SVOP: variants seen among roughly 807,000 people sequenced by gnomAD.
SVOP encodes synaptic vesicle 2-related protein.
A neutral mutation model predicts 69.1 loss-of-function variants in SVOP; 17 were observed. The observed-to-expected ratio is 0.25, with a 90% confidence interval of 0.17 to 0.37. The LOEUF is 0.37. Ranked by LOEUF, SVOP falls within the 10% of genes least tolerant of loss-of-function variation. The pLI, the probability that SVOP is intolerant of heterozygous loss-of-function variation, is 1.00. For missense variants in SVOP, 435 were observed against 597.5 expected (o/e 0.73, Z 2.84); for synonymous variants, 238 against 238.6 (o/e 1.00, Z 0.02).
chr12:109,011,575 A>G (rs2040341752), intron 1 of SVOP, among the ~76,000 whole-genome samples: 1 of 152,190 alleles, frequency 6.6e-6, no homozygotes, highest in South Asian at 2.1e-4. Context: ...CTTCTCCCCT[A>G]GAACTCAAAC....
At position 108,943,785 on chromosome 12, in the gene SVOP, CCTT is replaced by C. The variant is rs1029749880; in HGVS notation, c.642+1315_642+1317del. On this transcript the variant is annotated intron_variant, in intron 7 of 15. Coordinates refer to ENST00000610966, the MANE Select transcript of SVOP (RefSeq NM_018711.5). ...TAGATACATTTCCTTTTCTTCTTCT[CCTT>C]CTTCTTCTTCTTCTCTTTCTCCTCC... Among the ~76,000 whole-genome samples the C allele has an allele frequency of 1.3e-3, 194 of 151,656 alleles. 2 individuals are homozygous for C. The Middle Eastern group carries it at 0.014, about 11-fold the overall frequency.
intron 1 of SVOP, among the ~76,000 whole-genome samples, chr12:109,004,076 G>C (rs1369805264): frequency 6.6e-6 from 1 of 152,118 alleles, no homozygotes; most frequent in Admixed American, 6.6e-5. Flanking sequence ...AATCAGTCGG[G>C]TTCCTAAAAG....
rs1369277822 is a variant in SVOP, at chr12:108,999,764, C to T, written c.36-16003G>A. ...AAATAAAGATGTTCTTTGAAACCAA[C>T]GAGAACAAAGACACAACATACCAGA... On this transcript the variant is annotated intron_variant, in intron 1 of 15. Coordinates refer to ENST00000610966, the MANE Select transcript of SVOP (RefSeq NM_018711.5). Among the ~76,000 whole-genome samples, 196 of 140,322 alleles carry T rather than the reference C, an allele frequency of 1.4e-3. 1 individual carries two copies. Among genetic ancestry groups the T allele is most frequent in the Non-Finnish European group, 2.1e-3 (131 of 63,540 alleles). The allele number at this position is 140,322 out of a possible 152,430, so 92.1% of individuals were successfully genotyped here. A position where few individuals can be genotyped will look rare whatever the true frequency, so the allele number is the denominator to read the frequency against.
intron 15 of SVOP, among the ~76,000 whole-genome samples, chr12:108,914,959 G>A (rs112819570): frequency 0.37 from 55,188 of 150,778 alleles, 10,751 homozygotes; most frequent in South Asian, 0.57. Context: ...CAGATCACAA[G>A]GTCAAGAGAT....
At chr12:108,971,396 T>A (rs1206940188) in intron 5 of SVOP, among the ~76,000 whole-genome samples, 2 of 147,310 alleles carry the variant, frequency 1.4e-5, no homozygotes, top group African/African-American at 2.6e-5. Flanking sequence ...GCGATTGCAC[T>A]CCAGCCTGGG....
At chr12:108,979,563 A>C (rs929113476) in intron 2 of SVOP, among the ~76,000 whole-genome samples, 23 of 152,286 alleles carry the variant, frequency 1.5e-4, no homozygotes, top group African/African-American at 4.8e-4. Flanking sequence ...TGAAAGGTAC[A>C]ATTCCATCTG....
chr12:108,971,022 A>C (rs916566368), intron 5 of SVOP, among the ~76,000 whole-genome samples: 1 of 151,958 alleles, frequency 6.6e-6, no homozygotes, highest in Non-Finnish European at 1.5e-5. Context: ...TGTCTCAAAA[A>C]AACAAAAGAA....
intron 2 of SVOP, among the ~76,000 whole-genome samples, chr12:108,979,704 G>C (rs1404698911): frequency 6.6e-6 from 1 of 152,146 alleles, no homozygotes; most frequent in African/African-American, 2.4e-5. Flanking sequence ...GGGGAAGTAA[G>C]ACTGAGTGGA....
chr12:109,020,770 C>CCCCCCCCTT, intron 1 of SVOP, 64 bp downstream of exon 1: 1 of 474,588 alleles, frequency 2.1e-6, no homozygotes, highest in Non-Finnish European at 4.2e-6. Flanking sequence ...CCCCACCCCC[C>CCCCCCCCTT]TTGCAGGTTT....
At chr12:108,927,184 G>A (rs112500847) in intron 11 of SVOP, among the ~76,000 whole-genome samples, 242 of 152,234 alleles carry the variant, frequency 1.6e-3, no homozygotes, top group African/African-American at 5.4e-3. Context: ...GGAAAATGCC[G>A]ATACTCTGGC....
intron 1 of SVOP, among the ~76,000 whole-genome samples, chr12:109,008,488 A>T (rs1026300257): frequency 6.6e-6 from 1 of 152,046 alleles, no homozygotes; most frequent in Admixed American, 6.6e-5. Context: ...GATTTTATTT[A>T]TTTGCATTTT....
intron 1 of SVOP, among the ~76,000 whole-genome samples, chr12:109,015,707 C>T (rs2040364343): frequency 1.3e-5 from 2 of 152,042 alleles, no homozygotes; most frequent in South Asian, 2.1e-4. Flanking sequence ...CTATGATAAT[C>T]GCTTGAACCT....
In SVOP at chr12:108,978,435, C is replaced by T. The variant is rs141516334; in HGVS notation, c.282+143G>A. On this transcript the variant is annotated intron_variant, in intron 3 of 15. Coordinates refer to ENST00000610966, the MANE Select transcript of SVOP (RefSeq NM_018711.5). The stretch of plus-strand genomic sequence containing the variant: ...CAGATCTCGTTATCACCACTTATTA[C>T]GCCACATAAATTTTGTTGATTGAAA... 1.5e-3 allele frequency: 877 copies of T among 583,574 alleles called. 9 individuals are homozygous for T. The highest frequency in any genetic ancestry group is 0.014 in the African/African-American group (733 of 53,014). 36.1% of individuals were successfully genotyped at this position (583,574 alleles called of 1,614,324 possible).
At chr12:108,990,250 A>T (rs36181116) in intron 1 of SVOP, among the ~76,000 whole-genome samples, 135,076 of 151,980 alleles carry the variant, frequency 0.89, 61,148 homozygotes, top group Non-Finnish European at 0.99. Flanking sequence ...GCACAGCTCC[A>T]TCCATGTCCC....
chr12:108,943,890 C>CT (rs1296101947), intron 7 of SVOP, among the ~76,000 whole-genome samples: 58 of 141,246 alleles, frequency 4.1e-4, no homozygotes, highest in East Asian at 1.9e-3. Context: ...CTTCTTCTTT[C>CT]TTTTTTTTTG....
chr12:108,983,504 C>T (rs2040153026), intron 2 of SVOP, 97 bp downstream of exon 2: 2 of 398,364 alleles, frequency 5.0e-6, no homozygotes, highest in Non-Finnish European at 8.8e-6. Context: ...CTGGGCCCTC[C>T]CAACTGCCCC....
Position 108,940,835 on chromosome 12 carries a change from C to G in SVOP, c.717G>C (p.Trp239Cys). The G allele has an allele frequency of 1.3e-6, 2 of 1,537,206 alleles. No individual in the cohort carries two copies. Among genetic ancestry groups the G allele is most frequent in the Non-Finnish European group, 1.7e-6 (2 of 1,146,902 alleles). ...GCGGGACAGCTGAGAGGATGAGCAGCCAACGCCAGCCCAGGCTGGGCATCA... is the reference window on the plus strand; with the variant it reads ...GCGGGACAGCTGAGAGGATGAGCAGGCAACGCCAGCCCAGGCTGGGCATCA... ...VFVMPSLGWR[W>C]LLILSAVPLL... Residue 239 changes from tryptophan to cysteine, a missense_variant, in exon 8 of 16, where the codon TGG becomes TGC. Transcript: ENST00000610966.
In SVOP at chr12:108,932,015, A is replaced by T. The variant is rs943473218; in HGVS notation, c.1048+2180T>A. ...TTTGCGATGATAATTTTATTTTTTT[A>T]TTTTTATTTTTTTTACACACACAGA... On this transcript the variant is annotated intron_variant, in intron 11 of 15. Transcript: ENST00000610966. 3.3e-5 allele frequency among the ~76,000 whole-genome samples: 5 copies of T among 151,744 alleles called. No individual in the cohort carries two copies. The East Asian group carries it at 9.7e-4, about 29-fold the overall frequency.
rs1487904243 is a variant in SVOP at position 108,907,899 on chromosome 12, CAT to C, written c.*4634_*4635del. On this transcript the variant is annotated 3_prime_UTR_variant, in exon 16 of 16. Transcript: ENST00000610966. ...ATGAATAGACTTGAGAGTTTATGCA[CAT>C]GTCACTGCAGATTCCAGGCATACCA... is the stretch of plus-strand genomic sequence containing the variant. 1 of 152,262 alleles carries C rather than the reference CAT, an allele frequency of 6.6e-6. No individual in the cohort carries two copies. The highest frequency in any genetic ancestry group is 1.5e-5 in the Non-Finnish European group (1 of 68,064). 9.4% of individuals were successfully genotyped at this position (152,262 alleles called of 1,614,324 possible). A position where few individuals can be genotyped will look rare whatever the true frequency, so the allele number is the denominator to read the frequency against.
Sources: allele counts gnomAD v4.1 joint callset (sites outside exome capture counted in the v4.1 genomes callset), GRCh38; gene constraint gnomAD v4.1.1; transcripts MANE v1.5; gene names NCBI Gene and HGNC (gene_info 2026-07-23, HGNC 2026-07-21).